The following NDUFA12 variants were observed in gnomAD, a reference collection of about 807,000 sequenced individuals.
NDUFA12 encodes the protein NADH dehydrogenase [ubiquinone] 1 alpha subcomplex subunit 12.
NDUFA12 carries 17 observed loss-of-function variants against 20.3 expected under a neutral mutation model. That is an observed-to-expected ratio of 0.84 (90% CI 0.57 to 1.26). The LOEUF is 1.26. Ranked by LOEUF, NDUFA12 falls within the 50% of genes most tolerant of loss-of-function variation. The pLI is 0.00. For missense variants in NDUFA12, 191 were observed against 183.7 expected (o/e 1.04, Z -0.23); for synonymous variants, 72 against 63.6 (o/e 1.13, Z -0.63).
chr12:94,975,684 A>G (rs1252990539), intron 3 of NDUFA12, among the ~76,000 whole-genome samples: 1 of 152,204 alleles, frequency 6.6e-6, no homozygotes, highest in East Asian at 1.9e-4. Context: ...GAACAAAACC[A>G]AAAATAAAGG....
At chr12:94,989,120 T>C (rs12369057) in intron 3 of NDUFA12, among the ~76,000 whole-genome samples, 12,189 of 152,220 alleles carry the variant, frequency 0.08, 562 homozygotes, top group East Asian at 0.16. Context: ...TCCTCAAATG[T>C]CACTTTCTCA....
In NDUFA12 at chr12:95,002,940, TGAA is replaced by T. The variant is rs1268207542; in HGVS notation, c.87-122_87-120del. ...AGGGCTGCTGCATCAACTAGCAAAA[TGAA>T]GAAGTGCTGGGGATGGGAAAAGATG... On this transcript the variant is annotated intron_variant, in intron 1 of 3. Transcript: ENST00000327772. 1.1e-5 allele frequency: 9 copies of T among 828,570 alleles called. No homozygotes were observed. In the East Asian group the frequency reaches 2.0e-4, roughly 18 times the overall value. The allele number at this position is 828,570 out of a possible 1,614,324, so 51.3% of individuals were successfully genotyped here.
intron 2 of NDUFA12, among the ~76,000 whole-genome samples, chr12:94,994,875 A>C (rs573037685): frequency 6.6e-6 from 1 of 152,296 alleles, no homozygotes; most frequent in South Asian, 2.1e-4. Flanking sequence ...TGGGTCCTTA[A>C]ACTGAGCAAA....
At position 94,982,275 on chromosome 12, in the gene NDUFA12, CTTT is replaced by C. The variant is rs201781364; in HGVS notation, c.258-10658_258-10656del. 3.0e-3 allele frequency among the ~76,000 whole-genome samples: 407 copies of C among 135,534 alleles called. 5 individuals are homozygous for C. The highest frequency in any genetic ancestry group is 7.5e-3 in the Middle Eastern group (2 of 268). 88.9% of individuals were successfully genotyped at this position (135,534 alleles called of 152,430 possible). A position where few individuals can be genotyped will look rare whatever the true frequency, so the allele number is the denominator to read the frequency against. ...CCAGAAGCTATTTTCTTTTTCTTTT[CTTT>C]TTTTTTTTTTTTTTTGAGACAGAGT... On this transcript the variant is annotated intron_variant, in intron 3 of 3. Transcript: ENST00000327772.
At chr12:95,003,551 A>G (rs754342088) in intron 1 of NDUFA12, 44 bp downstream of exon 1, 4 of 1,597,976 alleles carry the variant, frequency 2.5e-6, no homozygotes. Flanking sequence ...TCAGCCAGCG[A>G]AAGTCCAGCC....
rs951461706 is a variant in NDUFA12, at chr12:94,974,224, G to A, written c.258-2604C>T. Among the ~76,000 whole-genome samples, 10 of 151,682 alleles carry A rather than the reference G, an allele frequency of 6.6e-5. No homozygotes were observed. The East Asian group carries it at 1.4e-3, about 21-fold the overall frequency. ...TGGCCTCCAGTGATTTGCCCGCCTC[G>A]GCCTCCCAAAGTGCTGAGATTAAGG... On this transcript the variant is annotated intron_variant, in intron 3 of 3. Transcript: ENST00000327772.
chr12:94,981,269 A>AATAC (rs10685216), intron 3 of NDUFA12, among the ~76,000 whole-genome samples: 74,934 of 148,814 alleles, frequency 0.5, 19,012 homozygotes, highest in Middle Eastern at 0.6. Flanking sequence ...GTCTCTACTA[A>AATAC]ATACATACAT....
chr12:94,980,082 A>G (rs1430122447), intron 3 of NDUFA12, among the ~76,000 whole-genome samples: 2 of 152,108 alleles, frequency 1.3e-5, no homozygotes, highest in Admixed American at 1.3e-4. Context: ...CCTGGCTGAA[A>G]TACTCCTCTT....
At chr12:94,996,387 T>C (rs552114023) in intron 2 of NDUFA12, among the ~76,000 whole-genome samples, 7 of 150,322 alleles carry the variant, frequency 4.7e-5, no homozygotes, top group African/African-American at 1.7e-4. Context: ...TTGCCCAGGC[T>C]GGTCTTGAAC....
chr12:95,001,746 C>T (rs1170054091), intron 2 of NDUFA12, among the ~76,000 whole-genome samples: 1 of 152,150 alleles, frequency 6.6e-6, no homozygotes, highest in African/African-American at 2.4e-5. Flanking sequence ...CGCTCTGTTG[C>T]CAGACTGGAG....
intron 3 of NDUFA12, among the ~76,000 whole-genome samples, chr12:94,992,199 G>A (rs1316523976): frequency 6.6e-6 from 1 of 152,140 alleles, no homozygotes; most frequent in East Asian, 1.9e-4. Context: ...ACAGATATAA[G>A]TACTTTGCTT....
At chr12:94,974,350 A>T (rs1230029034) in intron 3 of NDUFA12, among the ~76,000 whole-genome samples, 1 of 152,170 alleles carries the variant, frequency 6.6e-6, no homozygotes, top group Admixed American at 6.5e-5. Flanking sequence ...GCAATAATAA[A>T]TGCTGGGAGG....
chr12:94,977,513 CA>C (rs900923130), intron 3 of NDUFA12, among the ~76,000 whole-genome samples: 1 of 150,502 alleles, frequency 6.6e-6, no homozygotes, highest in African/African-American at 2.4e-5. Flanking sequence ...AAAAACCCCA[CA>C]AAACTGTAAC....
chr12:94,989,181 G>C (rs1233852400), intron 3 of NDUFA12, among the ~76,000 whole-genome samples: 2 of 152,022 alleles, frequency 1.3e-5, no homozygotes, highest in African/African-American at 4.8e-5. Flanking sequence ...CCCTTCCATT[G>C]CTCTTGATTC....
intron 3 of NDUFA12, among the ~76,000 whole-genome samples, chr12:94,972,191 G>A (rs1873911583): frequency 6.6e-6 from 1 of 152,042 alleles, no homozygotes; most frequent in Non-Finnish European, 1.5e-5. Flanking sequence ...GCCTCCCAAA[G>A]TGCTGGGATT....
chr12:95,002,102 C>T (rs1875059223), intron 2 of NDUFA12, among the ~76,000 whole-genome samples: 1 of 151,814 alleles, frequency 6.6e-6, no homozygotes, highest in South Asian at 2.1e-4. Flanking sequence ...ACTGCATTAA[C>T]CTACATATTT....
At chr12:94,977,477 A>C (rs936924009) in intron 3 of NDUFA12, among the ~76,000 whole-genome samples, 3 of 152,060 alleles carry the variant, frequency 2.0e-5, no homozygotes, top group Non-Finnish European at 4.4e-5. Context: ...TGTCAAAAAA[A>C]AAAAACACCC....
chr12:94,987,085 G>A (rs1874469928), intron 3 of NDUFA12, among the ~76,000 whole-genome samples: 2 of 152,072 alleles, frequency 1.3e-5, no homozygotes, highest in African/African-American at 4.8e-5. Flanking sequence ...GAGAAAACCG[G>A]CAGACCCCTT....
intron 3 of NDUFA12, among the ~76,000 whole-genome samples, chr12:94,979,020 A>G (rs1874148412): frequency 6.6e-6 from 1 of 152,222 alleles, no homozygotes; most frequent in African/African-American, 2.4e-5. Context: ...GTTATTTATA[A>G]TAATAAGCTT....
Sources: gnomAD v4.1 joint callset for allele counts (sites outside exome capture counted in the v4.1 genomes callset) on GRCh38, gnomAD v4.1.1 for gene constraint, MANE v1.5 for transcripts, NCBI Gene and HGNC (gene_info 2026-07-23, HGNC 2026-07-21) for gene names.